Variants in AKR1B10 observed in about 807,000 individuals in gnomAD.
AKR1B10 encodes the protein aldo-keto reductase family 1 member B10.
In AKR1B10, 39 loss-of-function variants were observed where a neutral mutation model predicts 38.9. That is an observed-to-expected ratio of 1.00 (90% CI 0.78 to 1.31). AKR1B10 has a LOEUF of 1.31. AKR1B10 is among the 50% of genes most tolerant of loss of function. AKR1B10 has a pLI of 0.00. For synonymous variants in AKR1B10, 148 were observed against 141.2 expected, an observed-to-expected ratio of 1.05 and a Z score of -0.34; for missense variants, 361 against 382.6, an observed-to-expected ratio of 0.94 and a Z score of 0.47.
At chr7:134,535,494 T>G (rs1307720879) in intron 4 of AKR1B10, 1 of 528,736 alleles carries the variant, frequency 1.9e-6, no homozygotes, top group East Asian at 1.5e-4. Flanking sequence ...CTGGATAAAG[T>G]GTTCCCTGAA....
At position 134,530,697 on chromosome 7, in the gene AKR1B10, C is replaced by T. The variant is rs370452533; in HGVS notation, c.121C>T (p.Arg41Trp). ...GAAGGTGGCCATTGATGCAGGATAT[C>T]GGCACATTGACTGTGCCTATGTCTA... ...AVKVAIDAGY[R>W]HIDCAYVYQN... Residue 41 changes from arginine to tryptophan, a missense_variant, in exon 2 of 10, where the codon CGG (arginine) becomes TGG (tryptophan). By Grantham distance (101) the Arg-to-Trp change is moderately radical (BLOSUM62 -3). This residue lies in a region of AKR1B10 where 220 missense variants were observed against 216.1 expected (regional missense o/e 1.02). Coordinates refer to ENST00000359579, the MANE Select transcript of AKR1B10 (RefSeq NM_020299.5). The T allele has an allele frequency of 7.3e-5, 118 of 1,613,886 alleles. No homozygotes were observed. Among genetic ancestry groups the T allele is most frequent in the Middle Eastern group, 4.9e-4 (3 of 6,082 alleles).
chr7:134,536,549 G>A (rs766293434), intron 4 of AKR1B10, 101 bp from the exon 5 acceptor site: 250 of 1,515,994 alleles, frequency 1.6e-4, no homozygotes, highest in African/African-American at 2.2e-4. Flanking sequence ...ACCCTGTTAC[G>A]GTGGATCCTT....
intron 7 of AKR1B10, 59 bp downstream of exon 7, chr7:134,537,720 A>G: frequency 6.3e-7 from 1 of 1,592,620 alleles, no homozygotes; most frequent in Non-Finnish European, 8.6e-7. Context: ...CTCGTGTTTC[A>G]TATCCTGTGT....
chr7:134,537,698 C>G, intron 7 of AKR1B10, 37 bp downstream of exon 7: 1 of 1,607,420 alleles, frequency 6.2e-7, no homozygotes. Context: ...TCCAACAACT[C>G]ATTCTTCCAG....
chr7:134,540,785 G>C (rs1330626687), intron 9 of AKR1B10, among the ~76,000 whole-genome samples: 2 of 152,034 alleles, frequency 1.3e-5, no homozygotes, highest in Admixed American at 1.3e-4. Flanking sequence ...CTGTCACCTC[G>C]CCTGACACCA....
Position 134,541,239 on chromosome 7 carries a change from CATTT to C in AKR1B10, c.*155_*158del, listed in dbSNP as rs1808143243. The C allele has an allele frequency of 1.3e-5, 8 of 593,196 alleles. 1 individual carries two copies. In the South Asian group the frequency reaches 1.8e-4, roughly 13 times the overall value. The allele number at this position is 593,196 out of a possible 1,614,324, so 36.7% of individuals were successfully genotyped here. A position where few individuals can be genotyped will look rare whatever the true frequency, so the allele number is the denominator to read the frequency against. ...ACGAGAATCGAGGTGCTGTTTTAGACATTTATTTCTGTATGTTCAACTAGGATCA... is the reference window on the plus strand; with the variant it reads ...ACGAGAATCGAGGTGCTGTTTTAGACATTTCTGTATGTTCAACTAGGATCA... On this transcript the variant is annotated 3_prime_UTR_variant, in exon 10 of 10. Coordinates refer to ENST00000359579, the MANE Select transcript of AKR1B10 (RefSeq NM_020299.5).
At chr7:134,528,033 T>C in intron 1 of AKR1B10, 56 bp downstream of exon 1, 4 of 1,597,998 alleles carry the variant, frequency 2.5e-6, no homozygotes, top group Non-Finnish European at 3.4e-6. Context: ...TTGGGTGTTT[T>C]CTCTTTCTGC....
At chr7:134,532,061 A>C (rs760115087) in intron 3 of AKR1B10, 37 bp downstream of exon 3, 1 of 1,611,320 alleles carries the variant, frequency 6.2e-7, no homozygotes, top group Non-Finnish European at 8.5e-7. Flanking sequence ...CTAGTTTCTG[A>C]GCAGGTGCCA....
chr7:134,540,123 C>A (rs557673014), intron 9 of AKR1B10, among the ~76,000 whole-genome samples: 22 of 151,742 alleles, frequency 1.4e-4, no homozygotes, highest in Non-Finnish European at 2.8e-4. Context: ...GAGGCTGAGG[C>A]AGGAGAATGG....
intron 3 of AKR1B10, 123 bp downstream of exon 3, chr7:134,532,147 G>T: frequency 8.3e-7 from 1 of 1,210,006 alleles, no homozygotes; most frequent in African/African-American, 1.5e-5. Flanking sequence ...AATTGGGAAT[G>T]GCAGGTGGTC....
At chr7:134,535,580 T>C (rs1264640001) in intron 4 of AKR1B10, 2 of 953,790 alleles carry the variant, frequency 2.1e-6, no homozygotes, top group East Asian at 2.4e-4. Flanking sequence ...TTCCCTCTTT[T>C]CTGTCTTTTT....
chr7:134,537,017 C>T, intron 5 of AKR1B10, 34 bp from the exon 6 acceptor site: 2 of 1,560,938 alleles, frequency 1.3e-6, no homozygotes, highest in Non-Finnish European at 1.7e-6. Flanking sequence ...ACAGAGCCGG[C>T]TTTCCCCGTG....
chr7:134,530,867 G>A (rs1363703680), intron 2 of AKR1B10, 57 bp downstream of exon 2: 1 of 1,555,776 alleles, frequency 6.4e-7, no homozygotes, highest in Admixed American at 2.0e-5. Context: ...AAGTATCTGG[G>A]TCGGGTTGGC....
At position 134,533,000 on chromosome 7, in the gene AKR1B10, A is replaced by G. The variant is rs200869274; in HGVS notation, c.352-4A>G. 6.3e-7 allele frequency: 1 copy of G among 1,599,488 alleles called. No individual in the cohort carries two copies. Among genetic ancestry groups the G allele is most frequent in the African/African-American group, 1.3e-5 (1 of 74,202 alleles). ...CCAGTAAACTTTTCATTCTGTGTTCACAGTCTGGGGATGACCTTTTCCCCA... is the reference window on the plus strand; with the variant it reads ...CCAGTAAACTTTTCATTCTGTGTTCGCAGTCTGGGGATGACCTTTTCCCCA... On this transcript the variant is annotated splice_polypyrimidine_tract_variant and splice_region_variant and intron_variant, in intron 3 of 9. Transcript: ENST00000359579.
At chr7:134,539,845 C>A (rs1369460044) in intron 9 of AKR1B10, among the ~76,000 whole-genome samples, 1 of 152,204 alleles carries the variant, frequency 6.6e-6, no homozygotes, top group African/African-American at 2.4e-5. Flanking sequence ...AAAGAGTTGT[C>A]TGGCATTTAT....
intron 1 of AKR1B10, 93 bp downstream of exon 1, chr7:134,528,070 G>A (rs576663057): frequency 3.2e-5 from 48 of 1,503,568 alleles, no homozygotes; most frequent in Non-Finnish European, 4.0e-5. Context: ...CTGGAGGTCG[G>A]GCAGGGGTTG....
At chr7:134,528,789 T>C (rs1249085950) in intron 1 of AKR1B10, among the ~76,000 whole-genome samples, 1 of 152,070 alleles carries the variant, frequency 6.6e-6, no homozygotes, top group Non-Finnish European at 1.5e-5. Context: ...ATGCAGAGTC[T>C]CAGGCTCCAA....
intron 7 of AKR1B10, 47 bp from the exon 8 acceptor site, chr7:134,538,147 G>A: frequency 6.6e-7 from 1 of 1,517,492 alleles, no homozygotes; most frequent in Non-Finnish European, 9.2e-7. Context: ...CATAAAAGGA[G>A]GGGTCTTTGG....
At chr7:134,530,895 C>G in intron 2 of AKR1B10, 85 bp downstream of exon 2, 1 of 1,516,126 alleles carries the variant, frequency 6.6e-7, no homozygotes, top group South Asian at 1.3e-5. Flanking sequence ...ACTCTGTCAG[C>G]CTTTTCTACA....
Sources: allele counts gnomAD v4.1 joint callset (sites outside exome capture counted in the v4.1 genomes callset), GRCh38; gene constraint gnomAD v4.1.1; regional missense constraint gnomAD v4.1.1; transcripts MANE v1.5; gene names NCBI Gene and HGNC (gene_info 2026-07-23, HGNC 2026-07-21).